The following MDFIC2 variants were observed in gnomAD, a reference collection of about 807,000 sequenced individuals.
The protein encoded by MDFIC2 is MyoD family inhibitor domain containing 2.
chr3:70,208,788 G>A (rs1369011133), intron 2 of MDFIC2, among the ~76,000 whole-genome samples: 1 of 152,024 alleles, frequency 6.6e-6, no homozygotes, highest in Non-Finnish European at 1.5e-5. Context: ...ACTGTCTTAG[G>A]TCATTTTTGT....
At chr3:70,244,439 T>G (rs903483059) in intron 2 of MDFIC2, among the ~76,000 whole-genome samples, 4 of 152,188 alleles carry the variant, frequency 2.6e-5, no homozygotes, top group Non-Finnish European at 4.4e-5. Context: ...TAAAATAACA[T>G]GTAAAGGAAC....
At chr3:70,303,675 G>A (rs916575389) in intron 2 of MDFIC2, among the ~76,000 whole-genome samples, 6 of 152,110 alleles carry the variant, frequency 3.9e-5, no homozygotes, top group African/African-American at 1.4e-4. Context: ...CTCTTTGATA[G>A]TTCTTTATTT....
intron 2 of MDFIC2, among the ~76,000 whole-genome samples, chr3:70,235,851 A>C (rs1335150099): frequency 1.3e-5 from 2 of 152,216 alleles, no homozygotes; most frequent in Admixed American, 6.5e-5. Flanking sequence ...GTGCTACTTA[A>C]ATGCCACAGC....
intron 2 of MDFIC2, among the ~76,000 whole-genome samples, chr3:70,272,725 G>C (rs1701986477): frequency 6.6e-6 from 1 of 152,174 alleles, no homozygotes; most frequent in African/African-American, 2.4e-5. Flanking sequence ...TGCATTGCTG[G>C]AATGTACAAA....
intron 2 of MDFIC2, among the ~76,000 whole-genome samples, chr3:70,225,530 C>T (rs561000674): frequency 3.9e-5 from 6 of 152,262 alleles, no homozygotes; most frequent in East Asian, 3.9e-4. Context: ...AAGAAAGCAA[C>T]GGTGTGTCAA....
chr3:70,284,708 C>T (rs532635999), intron 2 of MDFIC2, among the ~76,000 whole-genome samples: 1 of 152,020 alleles, frequency 6.6e-6, no homozygotes, highest in Non-Finnish European at 1.5e-5. Context: ...GAACACATGG[C>T]CACAGGGAGG....
chr3:70,235,535 C>T (rs1479519704), intron 2 of MDFIC2, among the ~76,000 whole-genome samples: 4 of 152,204 alleles, frequency 2.6e-5, no homozygotes, highest in Non-Finnish European at 5.9e-5. Context: ...AATCAATGAT[C>T]TGTAATCAGT....
intron 2 of MDFIC2, among the ~76,000 whole-genome samples, chr3:70,295,854 G>A (rs143494679): frequency 2.2e-4 from 34 of 152,182 alleles, no homozygotes; most frequent in African/African-American, 7.9e-4. Flanking sequence ...AGCTGAATGT[G>A]GTTTAATAGA....
At chr3:70,238,047 T>C (rs1026150443) in intron 2 of MDFIC2, among the ~76,000 whole-genome samples, 4 of 135,546 alleles carry the variant, frequency 3.0e-5, no homozygotes, top group Non-Finnish European at 6.1e-5. Context: ...AACTGTACTT[T>C]ATAGTGACGA....
chr3:70,236,693 C>G (rs1035012286), intron 2 of MDFIC2, among the ~76,000 whole-genome samples: 3 of 152,006 alleles, frequency 2.0e-5, no homozygotes, highest in African/African-American at 7.2e-5. Flanking sequence ...CCTCCCAGGT[C>G]CAAGCAATCC....
chr3:70,306,632 A>G (rs1702403602), intron 2 of MDFIC2, among the ~76,000 whole-genome samples: 1 of 151,954 alleles, frequency 6.6e-6, no homozygotes, highest in Non-Finnish European at 1.5e-5. Flanking sequence ...ATTTGGGTAC[A>G]ACACAATTTA....
rs1701163161 is a variant in MDFIC2 at position 70,195,114 on chromosome 3, G to C, written c.*1812C>G. ...GACACTGCCAATAATTCACTGTGTG[G>C]TCTTGAATAAGTCAGTTCATGGGGC... On this transcript the variant is annotated 3_prime_UTR_variant, in exon 4 of 4. Transcript: ENST00000567252. Among the ~76,000 whole-genome samples the C allele has an allele frequency of 1.3e-5, 2 of 152,158 alleles. No homozygotes were observed. Among genetic ancestry groups the C allele is most frequent in the Non-Finnish European group, 2.9e-5 (2 of 68,032 alleles).
At chr3:70,294,303 T>C (rs1377028009) in intron 2 of MDFIC2, among the ~76,000 whole-genome samples, 1 of 152,204 alleles carries the variant, frequency 6.6e-6, no homozygotes, top group Non-Finnish European at 1.5e-5. Flanking sequence ...CTGTTCACCC[T>C]AGGTCATGAA....
intron 2 of MDFIC2, among the ~76,000 whole-genome samples, chr3:70,235,973 C>T (rs965598534): frequency 6.6e-6 from 1 of 152,152 alleles, no homozygotes; most frequent in Non-Finnish European, 1.5e-5. Flanking sequence ...TCTTCAAAAC[C>T]TGCACAGGAT....
At chr3:70,250,495 C>G (rs1701754363) in intron 2 of MDFIC2, among the ~76,000 whole-genome samples, 1 of 151,510 alleles carries the variant, frequency 6.6e-6, no homozygotes, top group African/African-American at 2.4e-5. Flanking sequence ...TAAATCAACT[C>G]CAGGACATTT....
intron 2 of MDFIC2, among the ~76,000 whole-genome samples, chr3:70,252,905 C>T (rs1233160195): frequency 6.6e-6 from 1 of 151,896 alleles, no homozygotes; most frequent in African/African-American, 2.4e-5. Context: ...CATCGTGAAA[C>T]CCCCTCTCTA....
At chr3:70,227,864 T>C (rs949350249) in intron 2 of MDFIC2, among the ~76,000 whole-genome samples, 11 of 152,274 alleles carry the variant, frequency 7.2e-5, no homozygotes, top group African/African-American at 2.4e-4. Flanking sequence ...AGCTGGGATT[T>C]GAATACAGGA....
chr3:70,196,976 T>G lies in MDFIC2; in HGVS notation c.520A>C (p.Ser174Arg). ...TCCATGGCCAGTTCCAGACACTCGCTGGTCTCATGGCAAGATTCAAAAAGG... is the reference window on the plus strand; with the variant it reads ...TCCATGGCCAGTTCCAGACACTCGCGGGTCTCATGGCAAGATTCAAAAAGG... ...CSLFESCHET[S>R]ECLELAMEIS... Residue 174 changes from serine (S) to arginine (R), a missense_variant, in exon 4 of 4, where the codon AGC becomes CGC. By Grantham distance (110) the Ser-to-Arg change is moderately radical (BLOSUM62 -1). Coordinates refer to ENST00000567252, the MANE Select transcript of MDFIC2 (RefSeq NM_001364677.1). 2.5e-6 allele frequency: 1 copy of G among 398,602 alleles called. No homozygotes were observed. The highest frequency in any genetic ancestry group is 4.4e-6 in the Non-Finnish European group (1 of 226,032). The allele number at this position is 398,602 out of a possible 1,614,324, so 24.7% of individuals were successfully genotyped here. A position where few individuals can be genotyped will look rare whatever the true frequency, so the allele number is the denominator to read the frequency against.
intron 2 of MDFIC2, among the ~76,000 whole-genome samples, chr3:70,223,640 T>C (rs1445808739): frequency 2.0e-5 from 3 of 152,164 alleles, no homozygotes; most frequent in African/African-American, 7.2e-5. Flanking sequence ...CCTGGTACCC[T>C]GTCACAGGTT....
Sources: allele counts gnomAD v4.1 joint callset (sites outside exome capture counted in the v4.1 genomes callset), GRCh38; gene constraint gnomAD v4.1.1; transcripts MANE v1.5; gene names NCBI Gene and HGNC (gene_info 2026-07-23, HGNC 2026-07-21).